The following CSMD1 variants were observed in gnomAD, a reference collection of about 807,000 sequenced individuals.
CSMD1 encodes the protein CUB and Sushi multiple domains 1.
CSMD1 carries 213 observed loss-of-function variants against 417.5 expected under a neutral mutation model. The ratio of observed to expected loss-of-function variants is 0.51; its 90% CI spans 0.46 to 0.57. The LOEUF (loss-of-function observed/expected upper bound fraction) is 0.57, where lower values mean the gene tolerates loss of function less well. Among genes scored for constraint, CSMD1 ranks in the 20% least tolerant of loss-of-function variants. CSMD1 has a pLI of 0.00. For missense variants in CSMD1, 6,923 were observed against 4,529.7 expected, an observed-to-expected ratio of 1.53 and a Z score of -15.17; for synonymous variants, 2,862 against 1,736.8, an observed-to-expected ratio of 1.65 and a Z score of -16.11.
chr8:4,346,623 AAG>A (rs1800792188), intron 3 of CSMD1, among the ~76,000 whole-genome samples: 2 of 152,218 alleles, frequency 1.3e-5, no homozygotes, highest in African/African-American at 4.8e-5. Context: ...TCAAATTTAA[AAG>A]AAAAAAATGG....
At chr8:3,473,856 C>G (rs142682841) in intron 11 of CSMD1, among the ~76,000 whole-genome samples, 1 of 152,016 alleles carries the variant, frequency 6.6e-6, no homozygotes, top group Non-Finnish European at 1.5e-5. Flanking sequence ...TTCCACATGG[C>G]TTGGGAGGCC....
At position 3,705,254 on chromosome 8, in the gene CSMD1, A is replaced by C. The variant is rs551159832; in HGVS notation, c.1009+3160T>G. On this transcript the variant is annotated intron_variant, in intron 7 of 69. Coordinates refer to ENST00000635120, the MANE Select transcript of CSMD1 (RefSeq NM_033225.6). ...GGTGCTGAAATCCAGAGGGACATGA[A>C]CGCACAAGGTCACCCTCTGCAAAGA... Among the ~76,000 whole-genome samples, 6 of 152,318 alleles carry C rather than the reference A, an allele frequency of 3.9e-5. 1 individual carries two copies. Among genetic ancestry groups the C allele is most frequent in the African/African-American group, 1.4e-4 (6 of 41,588 alleles).
At chr8:4,029,543 T>G (rs889956155) in intron 4 of CSMD1, among the ~76,000 whole-genome samples, 10 of 152,084 alleles carry the variant, frequency 6.6e-5, no homozygotes, top group Non-Finnish European at 2.9e-5. Context: ...AAGAACTGCC[T>G]CCATGGTTCA....
At chr8:4,965,737 G>C (rs925167159) in intron 1 of CSMD1, among the ~76,000 whole-genome samples, 3 of 152,066 alleles carry the variant, frequency 2.0e-5, no homozygotes, top group Non-Finnish European at 4.4e-5. Flanking sequence ...AATTTTTAGA[G>C]TGAAATACTA....
intron 3 of CSMD1, among the ~76,000 whole-genome samples, chr8:4,056,941 G>C (rs893112062): frequency 1.3e-5 from 2 of 152,134 alleles, no homozygotes; most frequent in Admixed American, 1.3e-4. Flanking sequence ...ATCACTGTTG[G>C]ACATTTGGGT....
intron 2 of CSMD1, among the ~76,000 whole-genome samples, chr8:4,539,616 T>C (rs1797282289): frequency 6.6e-6 from 1 of 152,184 alleles, no homozygotes; most frequent in Non-Finnish European, 1.5e-5. Context: ...AAAAAGAGTT[T>C]GATGTACCAC....
chr8:2,967,495 G>T (rs1032046511), intron 57 of CSMD1, among the ~76,000 whole-genome samples: 3 of 152,014 alleles, frequency 2.0e-5, no homozygotes, highest in Non-Finnish European at 2.9e-5. Flanking sequence ...CTCGGCTGCC[G>T]CTGGGTACGT....
chr8:4,572,362 T>G (rs1469336733), intron 2 of CSMD1, among the ~76,000 whole-genome samples: 1 of 152,212 alleles, frequency 6.6e-6, no homozygotes, highest in Admixed American at 6.5e-5. Flanking sequence ...ATTTTATTTC[T>G]CCTTCGCTTA....
intron 2 of CSMD1, among the ~76,000 whole-genome samples, chr8:4,526,213 T>G (rs752801980): frequency 6.6e-6 from 1 of 152,238 alleles, no homozygotes; most frequent in African/African-American, 2.4e-5. Flanking sequence ...TATTATTTCA[T>G]GCGCTACATT....
chr8:3,681,362 T>G (rs906634225), intron 7 of CSMD1, among the ~76,000 whole-genome samples: 1 of 152,104 alleles, frequency 6.6e-6, no homozygotes, highest in African/African-American at 2.4e-5. Flanking sequence ...AAAATCAATG[T>G]GCAAAAATCA....
intron 5 of CSMD1, among the ~76,000 whole-genome samples, chr8:3,788,946 T>G (rs544569759): frequency 6.6e-6 from 1 of 152,186 alleles, no homozygotes; most frequent in Non-Finnish European, 1.5e-5. Context: ...CTAGACAGTA[T>G]TGTAGAATTT....
chr8:3,374,536 A>G (rs950953588), intron 18 of CSMD1, among the ~76,000 whole-genome samples: 3 of 152,300 alleles, frequency 2.0e-5, no homozygotes, highest in African/African-American at 4.8e-5. Flanking sequence ...CTAAACTCAA[A>G]GGAGGTCTAG....
At chr8:3,447,584 G>C (rs1280154317) in intron 12 of CSMD1, among the ~76,000 whole-genome samples, 1 of 152,220 alleles carries the variant, frequency 6.6e-6, no homozygotes, top group African/African-American at 2.4e-5. Context: ...AAGGGTCAGA[G>C]GTTCCGTAGG....
At chr8:3,800,142 G>C (rs1470171067) in intron 5 of CSMD1, among the ~76,000 whole-genome samples, 1 of 152,048 alleles carries the variant, frequency 6.6e-6, no homozygotes, top group Non-Finnish European at 1.5e-5. Context: ...TGTATGAGTT[G>C]TTTCCATGTG....
intron 10 of CSMD1, among the ~76,000 whole-genome samples, chr8:3,515,815 G>C (rs538712015): frequency 6.6e-6 from 1 of 152,308 alleles, no homozygotes; most frequent in East Asian, 1.9e-4. Context: ...ACTGGGCAAT[G>C]GAATTGCCTA....
At chr8:4,963,801 T>A (rs1227155323) in intron 1 of CSMD1, among the ~76,000 whole-genome samples, 1 of 152,130 alleles carries the variant, frequency 6.6e-6, no homozygotes, top group Non-Finnish European at 1.5e-5. Flanking sequence ...TGGTAAGCAA[T>A]AGAATTATTG....
intron 2 of CSMD1, among the ~76,000 whole-genome samples, chr8:4,421,000 G>A (rs547435083): frequency 6.6e-6 from 1 of 152,180 alleles, no homozygotes; most frequent in South Asian, 2.1e-4. Context: ...TTTGTAAACT[G>A]CAGTATCTGC....
chr8:3,983,820 G>C (rs1295662252), intron 5 of CSMD1, among the ~76,000 whole-genome samples: 1 of 152,076 alleles, frequency 6.6e-6, no homozygotes, highest in Non-Finnish European at 1.5e-5. Context: ...TGCAGCTCCA[G>C]AGCACCTGGC....
intron 5 of CSMD1, among the ~76,000 whole-genome samples, chr8:3,851,334 C>G (rs1160638697): frequency 6.6e-6 from 1 of 152,210 alleles, no homozygotes; most frequent in East Asian, 1.9e-4. Flanking sequence ...GAAATTCCAA[C>G]TTGATAGCCC....
Sources: allele counts gnomAD v4.1 joint callset (sites outside exome capture counted in the v4.1 genomes callset), GRCh38; gene constraint gnomAD v4.1.1; transcripts MANE v1.5; gene names NCBI Gene and HGNC (gene_info 2026-07-23, HGNC 2026-07-21).